MACROD2: variants seen among roughly 807,000 people sequenced by gnomAD.
The protein encoded by MACROD2 is mono-ADP ribosylhydrolase 2, also known as ADP-ribose glycohydrolase MACROD2.
A neutral mutation model predicts 70.4 loss-of-function variants in MACROD2; 36 were observed. The observed-to-expected ratio is 0.51, with a 90% CI of 0.39 to 0.68. The LOEUF (loss-of-function observed/expected upper bound fraction) is 0.68, where lower values mean the gene tolerates loss of function less well. Ranked by LOEUF, MACROD2 falls within the 30% of genes least tolerant of loss-of-function variation. The probability of loss-of-function intolerance (pLI) is 0.00; values close to 1 mark genes in which losing one functional copy is unlikely to be tolerated. For missense variants in MACROD2, 496 were observed against 538.4 expected (o/e 0.92, Z 0.78); for synonymous variants, 172 against 178.8 (o/e 0.96, Z 0.30).
intron 8 of MACROD2, among the ~76,000 whole-genome samples, chr20:15,770,532 G>T (rs1045030193): frequency 4.6e-5 from 7 of 152,000 alleles, no homozygotes; most frequent in Admixed American, 1.3e-4. Flanking sequence ...CTCTCATCAG[G>T]AACTTAAAAG....
chr20:14,626,090 C>T (rs1273714777), intron 4 of MACROD2, among the ~76,000 whole-genome samples: 1 of 152,164 alleles, frequency 6.6e-6, no homozygotes, highest in Non-Finnish European at 1.5e-5. Context: ...TCCCAAAGTG[C>T]TGGGATTACA....
intron 3 of MACROD2, among the ~76,000 whole-genome samples, chr20:14,332,206 T>G (rs1046311630): frequency 1.3e-5 from 2 of 152,122 alleles, no homozygotes; most frequent in East Asian, 1.9e-4. Context: ...AATTGTGGGG[T>G]TTTTTTGCAT....
intron 10 of MACROD2, among the ~76,000 whole-genome samples, chr20:15,899,123 G>A (rs1042529466): frequency 6.6e-6 from 1 of 151,706 alleles, no homozygotes; most frequent in Non-Finnish European, 1.5e-5. Flanking sequence ...ATATATGTAT[G>A]TATGCACATA....
intron 5 of MACROD2, among the ~76,000 whole-genome samples, chr20:14,832,913 G>T (rs1453844492): frequency 6.6e-6 from 1 of 152,090 alleles, no homozygotes; most frequent in Non-Finnish European, 1.5e-5. Flanking sequence ...TTTTGGTCCT[G>T]CTGGGAACCC....
chr20:15,291,908 T>C (rs1181287649), intron 6 of MACROD2, among the ~76,000 whole-genome samples: 2 of 152,200 alleles, frequency 1.3e-5, no homozygotes, highest in Non-Finnish European at 2.9e-5. Context: ...AATAAAGCTA[T>C]CTTTGGGTTG....
intron 6 of MACROD2, among the ~76,000 whole-genome samples, chr20:15,243,648 G>A (rs1187341985): frequency 6.6e-6 from 1 of 152,140 alleles, no homozygotes; most frequent in African/African-American, 2.4e-5. Context: ...GGGCACGGTG[G>A]CTCACGCCTG....
intron 8 of MACROD2, among the ~76,000 whole-genome samples, chr20:15,650,748 A>T (rs575767931): frequency 6.6e-6 from 1 of 152,274 alleles, no homozygotes; most frequent in African/African-American, 2.4e-5. Context: ...TTTTTCAATG[A>T]ATTAAAATAC....
At chr20:14,244,783 G>A (rs1253446508) in intron 3 of MACROD2, among the ~76,000 whole-genome samples, 1 of 152,204 alleles carries the variant, frequency 6.6e-6, no homozygotes, top group Non-Finnish European at 1.5e-5. Context: ...TGTCCATGCT[G>A]TGATATTACT....
chr20:14,045,623 A>C (rs914764), intron 2 of MACROD2, among the ~76,000 whole-genome samples: 65,330 of 152,024 alleles, frequency 0.43, 14,839 homozygotes, highest in African/African-American at 0.58. Context: ...TTTCATATTA[A>C]AAAAATATGA....
intron 3 of MACROD2, among the ~76,000 whole-genome samples, chr20:14,170,523 A>G (rs1021638482): frequency 1.3e-5 from 2 of 152,136 alleles, no homozygotes; most frequent in Admixed American, 6.6e-5. Context: ...TGTTTCTTCT[A>G]TGTCGATTTT....
intron 4 of MACROD2, among the ~76,000 whole-genome samples, chr20:14,640,387 C>T (rs1238168336): frequency 6.6e-6 from 1 of 152,154 alleles, no homozygotes; most frequent in African/African-American, 2.4e-5. Context: ...TGGGAAGATT[C>T]ACTCAGAGAT....
At chr20:15,220,422 C>T (rs2076849675) in intron 5 of MACROD2, among the ~76,000 whole-genome samples, 1 of 152,198 alleles carries the variant, frequency 6.6e-6, no homozygotes. Context: ...CGAGTCACTG[C>T]AGGAAAACAG....
intron 6 of MACROD2, among the ~76,000 whole-genome samples, chr20:15,404,981 A>C (rs1417342393): frequency 3.3e-5 from 5 of 152,260 alleles, no homozygotes; most frequent in African/African-American, 9.6e-5. Context: ...TACGTGCTAC[A>C]ATATGAGTGA....
At chr20:15,197,823 A>G (rs940880900) in intron 5 of MACROD2, among the ~76,000 whole-genome samples, 9 of 151,902 alleles carry the variant, frequency 5.9e-5, no homozygotes, top group African/African-American at 2.2e-4. Context: ...CACCCTCCTG[A>G]GTAGCTGGGA....
intron 5 of MACROD2, among the ~76,000 whole-genome samples, chr20:15,154,711 A>ACC (rs2076294796): frequency 2.0e-5 from 3 of 152,186 alleles, no homozygotes; most frequent in African/African-American, 4.8e-5. Flanking sequence ...CACTAAGCCC[A>ACC]TTCATAAGGG....
chr20:15,477,807 C>T (rs963702323), intron 7 of MACROD2, among the ~76,000 whole-genome samples: 15 of 152,162 alleles, frequency 9.9e-5, no homozygotes, highest in Admixed American at 9.8e-4. Context: ...GGATGATCCA[C>T]ATGGGCCCAA....
At chr20:15,745,980 GT>G (rs1202118803) in intron 8 of MACROD2, among the ~76,000 whole-genome samples, 10 of 151,958 alleles carry the variant, frequency 6.6e-5, no homozygotes, top group African/African-American at 2.4e-4. Flanking sequence ...TTTAGTTTTT[GT>G]TTTTTTGAAA....
At chr20:15,671,562 G>GA (rs1315648644) in intron 8 of MACROD2, among the ~76,000 whole-genome samples, 1 of 152,128 alleles carries the variant, frequency 6.6e-6, no homozygotes, top group Non-Finnish European at 1.5e-5. Context: ...ATCCTTAATG[G>GA]AAAAAAGTTT....
At chr20:14,600,683 A>C (rs1039746963) in intron 4 of MACROD2, among the ~76,000 whole-genome samples, 14 of 152,184 alleles carry the variant, frequency 9.2e-5, no homozygotes, top group African/African-American at 3.4e-4. Flanking sequence ...ACGCAGGCAC[A>C]CAGACTCCAG....
Sources: allele counts gnomAD v4.1 joint callset (sites outside exome capture counted in the v4.1 genomes callset), GRCh38; gene constraint gnomAD v4.1.1; transcripts MANE v1.5; gene names NCBI Gene and HGNC (gene_info 2026-07-23, HGNC 2026-07-21).